EYS: variants seen among roughly 807,000 people sequenced by gnomAD.
EYS encodes EGF-like photoreceptor maintenance factor.
In EYS, 250 loss-of-function variants were observed where a neutral mutation model predicts 282.1. That is an observed-to-expected ratio of 0.89 (90% confidence interval 0.80 to 0.98). The LOEUF (loss-of-function observed/expected upper bound fraction) is 0.98, where lower values mean the gene tolerates loss of function less well. Ranked by LOEUF, EYS falls within the 50% of genes least tolerant of loss-of-function variation. The probability of loss-of-function intolerance (pLI) is 0.00; values close to 1 mark genes in which losing one functional copy is unlikely to be tolerated. For synonymous variants in EYS, 1,355 were observed against 1,282.9 expected (o/e 1.06, Z -1.20); for missense variants, 4,016 against 3,709.0 (o/e 1.08, Z -2.15).
chr6:64,678,535 G>T (rs1769777147), intron 22 of EYS, among the ~76,000 whole-genome samples: 1 of 152,118 alleles, frequency 6.6e-6, no homozygotes, highest in African/African-American at 2.4e-5. Context: ...CCAAGATAGG[G>T]TGACTGCACT....
intron 31 of EYS, among the ~76,000 whole-genome samples, chr6:64,109,546 C>T (rs919183892): frequency 1.3e-5 from 2 of 152,042 alleles, no homozygotes; most frequent in Non-Finnish European, 2.9e-5. Context: ...ATCACAAACT[C>T]TAAAAAAGTT....
chr6:63,912,433 C>T (rs1052479014), intron 35 of EYS, among the ~76,000 whole-genome samples: 2 of 152,152 alleles, frequency 1.3e-5, no homozygotes, highest in Non-Finnish European at 2.9e-5. Flanking sequence ...AGACCCCAAA[C>T]ATTATTATTG....
intron 2 of EYS, among the ~76,000 whole-genome samples, chr6:65,568,729 C>T (rs1453941446): frequency 6.6e-6 from 1 of 152,132 alleles, no homozygotes; most frequent in Non-Finnish European, 1.5e-5. Flanking sequence ...AGTTGAGAAA[C>T]AGTGCTGTGT....
intron 1 of EYS, among the ~76,000 whole-genome samples, chr6:65,678,042 C>T (rs1768685504): frequency 6.6e-6 from 1 of 151,996 alleles, no homozygotes; most frequent in Admixed American, 6.6e-5. Flanking sequence ...GCTGTACAAG[C>T]ATGTCTCCAG....
chr6:64,187,617 A>G (rs551400377), intron 31 of EYS, among the ~76,000 whole-genome samples: 1 of 152,118 alleles, frequency 6.6e-6, no homozygotes, highest in Non-Finnish European at 1.5e-5. Flanking sequence ...TTTTCTACCT[A>G]CCCAACAGAA....
intron 26 of EYS, among the ~76,000 whole-genome samples, chr6:64,509,834 T>C (rs1490828739): frequency 1.3e-5 from 2 of 152,138 alleles, no homozygotes; most frequent in African/African-American, 4.8e-5. Context: ...TGCAAACTTT[T>C]GTTAGTGCTA....
At chr6:64,393,211 A>T (rs1047146356) in intron 28 of EYS, among the ~76,000 whole-genome samples, 1 of 152,158 alleles carries the variant, frequency 6.6e-6, no homozygotes, top group African/African-American at 2.4e-5. Context: ...TACAAGGAGG[A>T]ACTGGTACCA....
chr6:64,392,751 A>C (rs1318396732), intron 28 of EYS, among the ~76,000 whole-genome samples: 1 of 149,580 alleles, frequency 6.7e-6, no homozygotes, highest in Non-Finnish European at 1.5e-5. Flanking sequence ...TTCAAAAGCT[A>C]GCAGAAGGCA....
At chr6:65,267,949 C>T (rs656486) in intron 12 of EYS, among the ~76,000 whole-genome samples, 3,971 of 151,688 alleles carry the variant, frequency 0.026, 167 homozygotes, top group African/African-American at 0.091. Flanking sequence ...TATCTCTCCC[C>T]TCTAAACACA....
chr6:65,520,703 G>C, intron 2 of EYS, among the ~76,000 whole-genome samples: 1 of 151,786 alleles, frequency 6.6e-6, no homozygotes, highest in South Asian at 2.1e-4. Context: ...GAATAGACTA[G>C]AATAACTATT....
intron 22 of EYS, among the ~76,000 whole-genome samples, chr6:64,730,516 C>T (rs181244235): frequency 6.6e-6 from 1 of 152,196 alleles, no homozygotes; most frequent in East Asian, 1.9e-4. Context: ...ATCCTGCTCT[C>T]TCGCCAGGCT....
intron 12 of EYS, among the ~76,000 whole-genome samples, chr6:65,080,049 G>A (rs1015168083): frequency 3.3e-5 from 5 of 152,112 alleles, no homozygotes; most frequent in Non-Finnish European, 5.9e-5. Context: ...AAGAGTCAAA[G>A]AAGAGGAGGA....
Position 64,591,087 on chromosome 6 carries a change from C to T in EYS, c.4780G>A (p.Ala1594Thr). The T allele has an allele frequency of 6.4e-7, 1 of 1,551,264 alleles. No homozygotes were observed. The highest frequency in any genetic ancestry group is 1.2e-5 in the South Asian group (1 of 84,062). ...GCTCCCATTAGTGCATACCAGCTGG[C>T]TAATATCGCTGAGTTCATCCAGAAT... ...ETFWMNSAIL[A>T]SWYALMGAQT... The change falls in exon 26 of 43, where the codon GCC becomes ACC. Residue 1594 changes from alanine to threonine, a missense_variant. By Grantham distance (58) the Ala-to-Thr change is moderately conservative. Transcript: ENST00000503581.
At chr6:65,175,860 A>G (rs1765211028) in intron 12 of EYS, among the ~76,000 whole-genome samples, 1 of 151,544 alleles carries the variant, frequency 6.6e-6, no homozygotes, top group Non-Finnish European at 1.5e-5. Flanking sequence ...ATTTACACAC[A>G]AGGCATAGGT....
chr6:65,289,900 T>A (rs1324201145), intron 12 of EYS, among the ~76,000 whole-genome samples: 3 of 151,206 alleles, frequency 2.0e-5, no homozygotes, highest in Non-Finnish European at 4.5e-5. Flanking sequence ...AGTAATCATG[T>A]TCTTTATTAA....
At chr6:64,909,399 C>G (rs1201909357) in intron 16 of EYS, among the ~76,000 whole-genome samples, 2 of 152,076 alleles carry the variant, frequency 1.3e-5, no homozygotes, top group East Asian at 3.9e-4. Flanking sequence ...AAATAAAACC[C>G]ATTTGTTTAT....
At chr6:65,041,582 A>C (rs1005924196) in intron 13 of EYS, among the ~76,000 whole-genome samples, 3 of 151,694 alleles carry the variant, frequency 2.0e-5, no homozygotes, top group Non-Finnish European at 4.4e-5. Context: ...TTTATTTTCC[A>C]ACACAGTACT....
At chr6:63,848,066 T>C (rs963917781) in intron 36 of EYS, among the ~76,000 whole-genome samples, 4 of 152,166 alleles carry the variant, frequency 2.6e-5, no homozygotes, top group East Asian at 1.9e-4. Context: ...GGTTTCTGCT[T>C]GGTTTAGGCT....
intron 5 of EYS, among the ~76,000 whole-genome samples, chr6:65,422,506 T>G (rs146946982): frequency 2.6e-5 from 4 of 151,868 alleles, no homozygotes; most frequent in African/African-American, 9.6e-5. Context: ...GGAAAGAAAT[T>G]TAATAAGAAA....
Sources: gnomAD v4.1 joint callset for allele counts (sites outside exome capture counted in the v4.1 genomes callset) on GRCh38, gnomAD v4.1.1 for gene constraint, MANE v1.5 for transcripts, NCBI Gene and HGNC (gene_info 2026-07-23, HGNC 2026-07-21) for gene names.